CECR2: variants seen among roughly 807,000 people sequenced by gnomAD.
The protein encoded by CECR2 is chromatin remodeling regulator CECR2.
A neutral mutation model predicts 154.5 loss-of-function variants in CECR2; 30 were observed. The observed-to-expected ratio is 0.19, with a 90% confidence interval of 0.15 to 0.26. The LOEUF is 0.26. Among genes scored for constraint, CECR2 ranks in the 10% least tolerant of loss-of-function variants. The probability of loss-of-function intolerance (pLI) is 1.00; values close to 1 mark genes in which losing one functional copy is unlikely to be tolerated. For synonymous variants in CECR2, 725 were observed against 683.7 expected (o/e 1.06, Z -0.94); for missense variants, 1,743 against 1,829.3 (o/e 0.95, Z 0.86).
intron 1 of CECR2, among the ~76,000 whole-genome samples, chr22:17,399,416 A>ATTTTTTTTT (rs67470861): frequency 7.9e-6 from 1 of 126,390 alleles, no homozygotes; most frequent in African/African-American, 2.9e-5. Context: ...AGTAATGGTG[A>ATTTTTTTTT]TTTTTTTTTT....
At chr22:17,417,496 T>TTA (rs2054173412) in intron 1 of CECR2, among the ~76,000 whole-genome samples, 1 of 152,170 alleles carries the variant, frequency 6.6e-6, no homozygotes, top group African/African-American at 2.4e-5. Flanking sequence ...AAATTTTTTT[T>TTA]AAATTGATAC....
At chr22:17,502,222 T>G (rs2055751820) in intron 5 of CECR2, among the ~76,000 whole-genome samples, 1 of 152,198 alleles carries the variant, frequency 6.6e-6, no homozygotes, top group Non-Finnish European at 1.5e-5. Context: ...TAATTAACTT[T>G]CCTGAGGTCA....
At chr22:17,398,406 G>T (rs1402361835) in intron 1 of CECR2, among the ~76,000 whole-genome samples, 1 of 152,172 alleles carries the variant, frequency 6.6e-6, no homozygotes, top group Non-Finnish European at 1.5e-5. Flanking sequence ...TGTGGGACAT[G>T]TTGAATTTGA....
Position 17,404,540 on chromosome 22 carries a change from A to AT in CECR2, c.126+34637dup, listed in dbSNP as rs1043016648. On this transcript the variant is annotated intron_variant, in intron 1 of 18. Transcript: ENST00000262608. Reference sequence around the variant, plus strand: ...AGGCGCCCGCCACTACGCCCGGCTAATTTTTTGTATTTTTAGTAGAGACGG... The same window carrying AT: ...AGGCGCCCGCCACTACGCCCGGCTAATTTTTTTGTATTTTTAGTAGAGACGG... Among the ~76,000 whole-genome samples the AT allele has an allele frequency of 1.4e-5, 2 of 139,012 alleles. 1 individual carries two copies. Among genetic ancestry groups the AT allele is most frequent in the African/African-American group, 5.7e-5 (2 of 35,254 alleles). 91.2% of individuals were successfully genotyped at this position (139,012 alleles called of 152,430 possible).
chr22:17,545,394 A>AAAG (rs1555933383), intron 16 of CECR2, among the ~76,000 whole-genome samples: 2 of 151,184 alleles, frequency 1.3e-5, no homozygotes, highest in African/African-American at 2.4e-5. Flanking sequence ...AAAAAAAAAA[A>AAAG]AAAGAAATGC....
intron 1 of CECR2, among the ~76,000 whole-genome samples, chr22:17,416,751 C>T (rs981908745): frequency 3.3e-5 from 5 of 152,186 alleles, no homozygotes; most frequent in African/African-American, 9.7e-5. Context: ...ATCTGCCTGC[C>T]TCAGTCTCCC....
chr22:17,448,127 G>A (rs2054706958), intron 1 of CECR2, among the ~76,000 whole-genome samples: 1 of 152,174 alleles, frequency 6.6e-6, no homozygotes, highest in Admixed American at 6.5e-5. Context: ...GGTAACGTCT[G>A]TATTTTAAAT....
chr22:17,433,226 C>T (rs1238398957), intron 1 of CECR2, among the ~76,000 whole-genome samples: 1 of 152,158 alleles, frequency 6.6e-6, no homozygotes, highest in Non-Finnish European at 1.5e-5. Flanking sequence ...TTTAGAAACA[C>T]TTTTCACATG....
chr22:17,421,802 G>A (rs2054256751), intron 1 of CECR2, among the ~76,000 whole-genome samples: 2 of 147,518 alleles, frequency 1.4e-5, no homozygotes, highest in African/African-American at 2.5e-5. Context: ...TGCACTGGGT[G>A]TTCCCTTCCC....
At position 17,505,019 on chromosome 22, in the gene CECR2, G is replaced by A. The variant is rs376652459; in HGVS notation, c.870+3G>A. 3.1e-6 allele frequency: 5 copies of A among 1,612,760 alleles called. No individual in the cohort carries two copies. The highest frequency in any genetic ancestry group is 4.2e-6 in the Non-Finnish European group (5 of 1,179,642). The stretch of plus-strand genomic sequence containing the variant: ...TCTGCAACATGATCGCCCAGAAGGT[G>A]CGCCACACTCTCTGCTCTGTCCTCC... On this transcript the variant is annotated splice_donor_region_variant and intron_variant, in intron 7 of 18. Transcript: ENST00000262608.
At chr22:17,476,825 A>G (rs1350604675) in intron 1 of CECR2, among the ~76,000 whole-genome samples, 1 of 152,208 alleles carries the variant, frequency 6.6e-6, no homozygotes, top group African/African-American at 2.4e-5. Context: ...ATCTAAGAAA[A>G]TACCTGCTTA....
At chr22:17,442,222 A>G (rs889026757) in intron 1 of CECR2, among the ~76,000 whole-genome samples, 3 of 152,148 alleles carry the variant, frequency 2.0e-5, no homozygotes, top group African/African-American at 7.2e-5. Context: ...CCTTAACACT[A>G]TTCACTTTGG....
Position 17,499,421 on chromosome 22 carries a change from A to G in CECR2, c.417A>G (p.Ala139=), listed in dbSNP as rs761864121. Reference sequence around the variant, plus strand: ...CGTGCTCTGTGTAGGGCCTGGATGCAGACAGTCTCCGTGTGGAGCCATTGG... The same window carrying G: ...CGTGCTCTGTGTAGGGCCTGGATGCGGACAGTCTCCGTGTGGAGCCATTGG... ...DVFDLLKGLD[A]DSLRVEPLGE... The change falls in exon 4 of 19, where the codon GCA becomes GCG. Residue 139 remains alanine (A), a synonymous_variant. Coordinates refer to ENST00000262608, the MANE Select transcript of CECR2 (RefSeq NM_001290047.2). 4.3e-6 allele frequency: 7 copies of G among 1,613,644 alleles called. No homozygotes were observed. Among genetic ancestry groups the G allele is most frequent in the Middle Eastern group, 1.6e-4 (1 of 6,062 alleles).
intron 1 of CECR2, among the ~76,000 whole-genome samples, chr22:17,414,505 T>TG: frequency 6.6e-6 from 1 of 151,882 alleles, no homozygotes; most frequent in South Asian, 2.1e-4. Flanking sequence ...AGTTTTCTTT[T>TG]TTTTTTCCTG....
chr22:17,381,670 GC>G (rs1440937031), intron 1 of CECR2, among the ~76,000 whole-genome samples: 2 of 152,160 alleles, frequency 1.3e-5, no homozygotes, highest in African/African-American at 4.8e-5. Context: ...TTGTGCTGCT[GC>G]CCTGGGGGAA....
rs1408825457 is a variant in CECR2 at position 17,557,153 on chromosome 22, T to TTTC, written c.*4315_*4316insCTT. The TTTC allele has an allele frequency of 1.4e-5, 2 of 144,782 alleles. No homozygotes were observed. Among genetic ancestry groups the TTTC allele is most frequent in the African/African-American group, 5.2e-5 (2 of 38,412 alleles). 9.0% of individuals were successfully genotyped at this position (144,782 alleles called of 1,614,324 possible). A position where few individuals can be genotyped will look rare whatever the true frequency, so the allele number is the denominator to read the frequency against. ...CCCGTTTTTTTTCTTTTCTTTTTTT[T>TTTC]TTTTTTTTTTTTGAGACGAAATCTT... On this transcript the variant is annotated 3_prime_UTR_variant, in exon 19 of 19. Transcript: ENST00000262608.
At chr22:17,506,952 C>T in intron 7 of CECR2, among the ~76,000 whole-genome samples, 1 of 152,174 alleles carries the variant, frequency 6.6e-6, no homozygotes, top group East Asian at 1.9e-4. Flanking sequence ...CCACGTTTAG[C>T]CTGCCTTGCC....
chr22:17,388,932 CCT>C (rs1249148433), intron 1 of CECR2, among the ~76,000 whole-genome samples: 1 of 152,012 alleles, frequency 6.6e-6, no homozygotes, highest in East Asian at 1.9e-4. Context: ...CCTGCTTCAG[CCT>C]CTCGAGTAGC....
At chr22:17,404,364 C>CCTTTTTTTTTTTTT (rs781954770) in intron 1 of CECR2, among the ~76,000 whole-genome samples, 7 of 59,608 alleles carry the variant, frequency 1.2e-4, no homozygotes, top group African/African-American at 5.3e-4. Context: ...GGACCCTGTT[C>CCTTTTTTTTTTTTT]TTTCTTTTTT....
Sources: allele counts gnomAD v4.1 joint callset (sites outside exome capture counted in the v4.1 genomes callset), GRCh38; gene constraint gnomAD v4.1.1; transcripts MANE v1.5; gene names NCBI Gene and HGNC (gene_info 2026-07-23, HGNC 2026-07-21).